IL1RAPL2: variants seen among roughly 807,000 people sequenced by gnomAD.
The protein encoded by IL1RAPL2 is interleukin 1 receptor accessory protein like 2.
Under a neutral mutation model 44.1 loss-of-function variants are expected in IL1RAPL2, and 3 were observed. That is an observed-to-expected ratio of 0.07 (90% CI 0.03 to 0.18). The LOEUF (loss-of-function observed/expected upper bound fraction) is 0.18. Among genes scored for constraint, IL1RAPL2 ranks in the 10% least tolerant of loss-of-function variants. IL1RAPL2 has a pLI of 1.00. For synonymous variants in IL1RAPL2, 181 were observed against 178.8 expected (o/e 1.01, Z -0.10); for missense variants, 391 against 496.4 (o/e 0.79, Z 2.02).
At chrX:104,670,472 C>T (rs895341219) in intron 2 of IL1RAPL2, among the ~76,000 whole-genome samples, 18 of 111,636 alleles carry the variant, frequency 1.6e-4, no homozygotes, top group African/African-American at 5.9e-4. Flanking sequence ...ATGTTATCTC[C>T]TCTGGCAACA....
At chrX:104,646,629 G>A (rs894925175) in intron 1 of IL1RAPL2, among the ~76,000 whole-genome samples, 2 of 112,074 alleles carry the variant, frequency 1.8e-5, no homozygotes, top group Non-Finnish European at 3.8e-5. Context: ...CTTATGTAAT[G>A]TGTTGGCTAG....
intron 2 of IL1RAPL2, among the ~76,000 whole-genome samples, chrX:104,823,966 A>G (rs7889721): frequency 0.054 from 5,969 of 111,173 alleles, 418 homozygotes; most frequent in African/African-American, 0.19. Context: ...TCCTTGTGCT[A>G]TTTTTCAAAG....
chrX:105,666,042 G>A (rs1465211776), intron 6 of IL1RAPL2, among the ~76,000 whole-genome samples: 6 of 107,729 alleles, frequency 5.6e-5, no homozygotes, highest in Non-Finnish European at 9.6e-5. Context: ...GATTACAGGC[G>A]TGAGCCACCG....
At chrX:105,116,010 GC>G (rs1413632923) in intron 2 of IL1RAPL2, among the ~76,000 whole-genome samples, 2 of 113,272 alleles carry the variant, frequency 1.8e-5, no homozygotes, top group Non-Finnish European at 3.8e-5. Flanking sequence ...TGAGTGCGGG[GC>G]CGCTGAGCCC....
intron 5 of IL1RAPL2, among the ~76,000 whole-genome samples, chrX:105,331,555 C>T (rs1339334610): frequency 9.0e-6 from 1 of 110,846 alleles, no homozygotes; most frequent in Non-Finnish European, 1.9e-5. Context: ...CAGGTGGTCT[C>T]CTAATTTATC....
At chrX:104,790,144 T>A (rs1483253577) in intron 2 of IL1RAPL2, among the ~76,000 whole-genome samples, 1 of 111,899 alleles carries the variant, frequency 8.9e-6, no homozygotes, top group Non-Finnish European at 1.9e-5. Flanking sequence ...ACAAAAAAAT[T>A]TTTGTTTAAA....
chrX:105,415,861 C>T (rs2035729586), intron 5 of IL1RAPL2, among the ~76,000 whole-genome samples: 1 of 111,159 alleles, frequency 9.0e-6, no homozygotes, highest in Non-Finnish European at 1.9e-5. Flanking sequence ...TTGTGTTTTC[C>T]TTATGGCATA....
intron 6 of IL1RAPL2, among the ~76,000 whole-genome samples, chrX:105,520,096 A>G (rs758837148): frequency 8.9e-6 from 1 of 111,890 alleles, no homozygotes; most frequent in Non-Finnish European, 1.9e-5. Context: ...TTTTGATTGT[A>G]TGCTATGTAA....
At chrX:105,520,173 T>C (rs1326970776) in intron 6 of IL1RAPL2, among the ~76,000 whole-genome samples, 1 of 111,625 alleles carries the variant, frequency 9.0e-6, no homozygotes, top group Non-Finnish European at 1.9e-5. Context: ...ATTAATCCCA[T>C]TAGTGCTGCA....
intron 1 of IL1RAPL2, among the ~76,000 whole-genome samples, chrX:104,585,199 G>A (rs867456842): frequency 8.4e-4 from 48 of 56,860 alleles, no homozygotes; most frequent in African/African-American, 4.2e-3. Flanking sequence ...ACATGTATAT[G>A]TATTATATAT....
intron 2 of IL1RAPL2, among the ~76,000 whole-genome samples, chrX:105,071,071 A>C (rs768236419): frequency 3.3e-4 from 37 of 111,445 alleles, no homozygotes; most frequent in Non-Finnish European, 6.0e-4. Flanking sequence ...TAAGTTTTTA[A>C]TTGGCAACCC....
chrX:104,576,113 A>T (rs1928239670), intron 1 of IL1RAPL2, among the ~76,000 whole-genome samples: 1 of 111,285 alleles, frequency 9.0e-6, no homozygotes, highest in African/African-American at 3.3e-5. Context: ...GTATTAAATC[A>T]TTTCATATTA....
At chrX:105,234,086 A>G (rs782611174) in intron 4 of IL1RAPL2, 82 bp downstream of exon 4, 1 of 752,295 alleles carries the variant, frequency 1.3e-6, no homozygotes, top group East Asian at 3.3e-5. Flanking sequence ...TTTTTTTACT[A>G]GTTTTTGGTA....
At chrX:105,046,347 C>T (rs1304440855) in intron 2 of IL1RAPL2, among the ~76,000 whole-genome samples, 1 of 111,445 alleles carries the variant, frequency 9.0e-6, no homozygotes, top group Non-Finnish European at 1.9e-5. Flanking sequence ...TGACTCTTAC[C>T]CTATCTTTCA....
intron 4 of IL1RAPL2, among the ~76,000 whole-genome samples, chrX:105,266,936 A>G (rs1445010240): frequency 8.9e-6 from 1 of 111,848 alleles, no homozygotes; most frequent in Admixed American, 9.5e-5. Flanking sequence ...AAATCCTATT[A>G]TGAAAGATTA....
intron 6 of IL1RAPL2, among the ~76,000 whole-genome samples, chrX:105,616,539 T>C (rs1261349170): frequency 9.0e-6 from 1 of 111,676 alleles, no homozygotes; most frequent in Non-Finnish European, 1.9e-5. Context: ...ACTAATGAAG[T>C]TGAGCATCTT....
At position 105,268,218 on chromosome X, in the gene IL1RAPL2, CA is replaced by C. The variant is rs199542188; in HGVS notation, c.697+684del. The stretch of plus-strand genomic sequence containing the variant: ...TGATGGAACCTGAGAAACTGTATGA[CA>C]AAAAAATCTACTTACTATTGCTCAC... On this transcript the variant is annotated intron_variant, in intron 5 of 10. Transcript: ENST00000372582. 2.7e-5 allele frequency among the ~76,000 whole-genome samples: 3 copies of C among 110,786 alleles called. No homozygotes were observed. In the East Asian group the frequency reaches 8.5e-4, roughly 31 times the overall value.
At chrX:104,788,964 T>G (rs774523967) in intron 2 of IL1RAPL2, among the ~76,000 whole-genome samples, 1 of 111,680 alleles carries the variant, frequency 9.0e-6, no homozygotes. Context: ...ATAATAATAA[T>G]AGTTTCTTTA....
chrX:104,954,149 A>G (rs1413345782), intron 2 of IL1RAPL2, among the ~76,000 whole-genome samples: 1 of 112,280 alleles, frequency 8.9e-6, no homozygotes, highest in East Asian at 2.8e-4. Context: ...GCAAAGAAAA[A>G]CTGCGTTACC....
Sources: gnomAD v4.1 joint callset for allele counts (sites outside exome capture counted in the v4.1 genomes callset) on GRCh38, gnomAD v4.1.1 for gene constraint, MANE v1.5 for transcripts, NCBI Gene and HGNC (gene_info 2026-07-23, HGNC 2026-07-21) for gene names.